ERAP1: variants seen among roughly 807,000 people sequenced by gnomAD.
The protein encoded by ERAP1 is endoplasmic reticulum aminopeptidase 1.
In ERAP1, 86 loss-of-function variants were observed where a neutral mutation model predicts 103.7. The observed-to-expected ratio is 0.83, with a 90% CI of 0.70 to 0.99. The LOEUF is 0.99. Ranked by LOEUF, ERAP1 falls within the 50% of genes least tolerant of loss-of-function variation. ERAP1 has a pLI of 0.00. For missense variants in ERAP1, 1,009 were observed against 1,128.4 expected (o/e 0.89, Z 1.52); for synonymous variants, 398 against 402.4 (o/e 0.99, Z 0.13).
chr5:96,922,445 G>A, the ERAP1 span, among the ~76,000 whole-genome samples: 1 of 152,194 alleles, frequency 6.6e-6, no homozygotes, highest in Non-Finnish European at 1.5e-5. Flanking sequence ...GCCAGGATGA[G>A]GCTTGGGGCA....
chr5:96,856,679 A>G, the ERAP1 span, among the ~76,000 whole-genome samples: 2 of 152,216 alleles, frequency 1.3e-5, no homozygotes, highest in Admixed American at 1.3e-4. Flanking sequence ...GCCTTTGGCC[A>G]TAGATCCCTG....
Position 96,766,084 on chromosome 5 carries a change from T to C in ERAP1, c.2819-2856A>G. On this transcript the variant is annotated intron_variant, in intron 19 of 19. Coordinates refer to the ERAP1 transcript ENST00000296754. Reference sequence around the variant, plus strand: ...GCTAAAGCTGAACATAGAGACAAGCTTGGAGAAAGAGATGACACTATCCCA... The same window carrying C: ...GCTAAAGCTGAACATAGAGACAAGCCTGGAGAAAGAGATGACACTATCCCA... The C allele has an allele frequency of 6.2e-7, 1 of 1,610,784 alleles. No homozygotes were observed.
At chr5:96,927,734 T>C in the ERAP1 span, among the ~76,000 whole-genome samples, 3 of 152,136 alleles carry the variant, frequency 2.0e-5, no homozygotes, top group Admixed American at 2.0e-4. Flanking sequence ...GATTTGCCCG[T>C]CTTGGCCTCC....
the ERAP1 span, chr5:96,895,262 T>C: frequency 6.2e-7 from 1 of 1,610,428 alleles, no homozygotes; most frequent in Non-Finnish European, 8.5e-7. Context: ...GGCAACCTGG[T>C]CACAATGGAA....
chr5:96,934,948 G>C, the ERAP1 span: 18 of 152,410 alleles, frequency 1.2e-4, no homozygotes, highest in African/African-American at 4.1e-4. Context: ...AGAGGATAAG[G>C]AAGCGGTTCC....
the ERAP1 span, chr5:96,880,349 T>C: frequency 8.3e-7 from 1 of 1,202,084 alleles, no homozygotes; most frequent in Non-Finnish European, 1.2e-6. Flanking sequence ...TCAGCAGCCA[T>C]TTATGAGAAA....
the ERAP1 span, among the ~76,000 whole-genome samples, chr5:96,871,287 C>T: frequency 1.3e-5 from 2 of 152,180 alleles, no homozygotes; most frequent in Admixed American, 6.5e-5. Flanking sequence ...TTCCTTCTCT[C>T]CAGGGATTGC....
At position 96,792,085 on chromosome 5, in the gene ERAP1, C is replaced by A. The variant is rs1229260914; in HGVS notation, c.1296G>T (p.Met432Ile). Residue 432 changes from methionine (M) to isoleucine (I), a missense_variant, in exon 8 of 19, where the codon ATG (methionine) becomes ATT (isoleucine). This residue lies in a region of ERAP1 where 611 missense variants were observed against 651.7 expected (regional missense o/e 0.94). Transcript: ENST00000443439. ...CCTTATCATAAGAAACATCATCAAACATCTCCCGGATCTGAGCAGGATTTT... is the reference window on the plus strand; with the variant it reads ...CCTTATCATAAGAAACATCATCAAAAATCTCCCGGATCTGAGCAGGATTTT... ...PVENPAQIRE[M>I]FDDVSYDKGA... 5.0e-6 allele frequency: 8 copies of A among 1,614,126 alleles called. 1 individual carries two copies. In the Middle Eastern group the frequency reaches 1.2e-3, roughly 233 times the overall value.
chr5:96,919,070 TCAAAA>T, the ERAP1 span: 1 of 152,158 alleles, frequency 6.6e-6, no homozygotes, highest in Non-Finnish European at 1.5e-5. Flanking sequence ...TTAGAAAGAC[TCAAAA>T]CAATATGTAA....
the ERAP1 span, among the ~76,000 whole-genome samples, chr5:96,885,703 GT>G: frequency 6.6e-6 from 1 of 152,218 alleles, no homozygotes; most frequent in Non-Finnish European, 1.5e-5. Flanking sequence ...AGGGATAGAG[GT>G]GGGGAAGAGC....
the ERAP1 span, among the ~76,000 whole-genome samples, chr5:96,820,520 C>T: frequency 1.3e-5 from 2 of 152,104 alleles, no homozygotes; most frequent in East Asian, 3.9e-4. Flanking sequence ...GAAATCTAAA[C>T]GTTACTAGTT....
chr5:96,766,547 T>C (rs1770045298), intron 19 of ERAP1, among the ~76,000 whole-genome samples: 2 of 152,162 alleles, frequency 1.3e-5, no homozygotes, highest in African/African-American at 2.4e-5. Flanking sequence ...ATAAGGCAGC[T>C]CCAAGACCTG....
intron 2 of ERAP1, 89 bp downstream of exon 2, chr5:96,803,314 A>C (rs905651934): frequency 7.2e-7 from 1 of 1,394,512 alleles, no homozygotes. Flanking sequence ...TTCAACAGCA[A>C]AGGGAATTTT....
the ERAP1 span, among the ~76,000 whole-genome samples, chr5:96,818,525 C>A: frequency 6.6e-6 from 1 of 150,546 alleles, no homozygotes; most frequent in Admixed American, 6.7e-5. Context: ...AGAGAATAAC[C>A]CCAAAGAAGA....
intron 4 of ERAP1, 105 bp downstream of exon 4, chr5:96,797,070 G>A: frequency 1.5e-6 from 2 of 1,375,436 alleles, no homozygotes; most frequent in African/African-American, 1.4e-5. Context: ...TTTATGTTGG[G>A]TTTACACGCA....
chr5:96,823,377 A>T, the ERAP1 span, among the ~76,000 whole-genome samples: 2 of 152,134 alleles, frequency 1.3e-5, no homozygotes, highest in African/African-American at 4.8e-5. Flanking sequence ...CCATCTTTCT[A>T]CTTTTCACCA....
At chr5:96,837,040 C>T in the ERAP1 span, among the ~76,000 whole-genome samples, 6 of 151,906 alleles carry the variant, frequency 3.9e-5, no homozygotes, top group Admixed American at 6.6e-5. Flanking sequence ...ATATATTAGG[C>T]TAAAATTTGG....
chr5:96,801,721 G>A (rs1043283098), intron 2 of ERAP1, among the ~76,000 whole-genome samples: 27 of 151,540 alleles, frequency 1.8e-4, no homozygotes, highest in African/African-American at 6.3e-4. Context: ...GTGTGGTGGT[G>A]CGCGTCTGTA....
rs199697794 is a variant in ERAP1, at chr5:96,787,833, TACAC to T, written c.1679+694_1679+697del. Among the ~76,000 whole-genome samples, 28 of 150,786 alleles carry T rather than the reference TACAC, an allele frequency of 1.9e-4. No individual in the cohort carries two copies. The South Asian group carries it at 4.0e-3, about 21-fold the overall frequency. On this transcript the variant is annotated intron_variant, in intron 11 of 18. Transcript: ENST00000443439. ...ATATATACACATATATATGTATATA[TACAC>T]ACACACATATATCCACACAAACATA...
Sources: allele counts gnomAD v4.1 joint callset (sites outside exome capture counted in the v4.1 genomes callset), GRCh38; gene constraint gnomAD v4.1.1; regional missense constraint gnomAD v4.1.1; transcripts MANE v1.5; gene names NCBI Gene and HGNC (gene_info 2026-07-23, HGNC 2026-07-21).